ISCA2: variants seen among roughly 807,000 people sequenced by gnomAD.
ISCA2 encodes the protein iron-sulfur cluster assembly 2.
ISCA2 carries 21 observed loss-of-function variants against 19.1 expected under a neutral mutation model. That is an observed-to-expected ratio of 1.10 (90% CI 0.78 to 1.59). ISCA2 has a LOEUF of 1.59. Among genes scored for constraint, ISCA2 ranks in the 40% most tolerant of loss-of-function variants. The pLI, the probability that ISCA2 is intolerant of heterozygous loss-of-function variation, is 0.00. For synonymous variants in ISCA2, 107 were observed against 83.8 expected (o/e 1.28, Z -1.51); for missense variants, 181 against 191.7 (o/e 0.94, Z 0.33).
rs1423779482 is a variant in ISCA2, at chr14:74,494,258, C to G, written c.175-17C>G. The G allele has an allele frequency of 6.2e-7, 1 of 1,608,120 alleles. No individual in the cohort carries two copies. Among genetic ancestry groups the G allele is most frequent in the Non-Finnish European group, 8.5e-7 (1 of 1,174,534 alleles). ...TCCCGTTTCCCGCTATTCTTGATCC[C>G]CCTTCCTGCATTTCAGAGGCTTTTG... On this transcript the variant is annotated splice_polypyrimidine_tract_variant and intron_variant, in intron 2 of 3. Transcript: ENST00000556816.
rs2086837375 is a variant in ISCA2 at position 74,495,395 on chromosome 14, A to G, written c.*395A>G. 1 of 157,382 alleles carries G rather than the reference A, an allele frequency of 6.4e-6. No individual in the cohort carries two copies. Among genetic ancestry groups the G allele is most frequent in the African/African-American group, 2.4e-5 (1 of 41,660 alleles). The allele number at this position is 157,382 out of a possible 1,614,324, so 9.7% of individuals were successfully genotyped here. On this transcript the variant is annotated 3_prime_UTR_variant, in exon 4 of 4. Coordinates refer to ENST00000556816, the MANE Select transcript of ISCA2 (RefSeq NM_194279.4). The stretch of plus-strand genomic sequence containing the variant: ...TCTTATTGTGTTGTGGATCAGGGTC[A>G]CAGATTGGGTAGCTTGGACACCAGT...
Position 74,494,972 on chromosome 14 carries a change from G to C in ISCA2, c.437G>C (p.Cys146Ser). Reference sequence around the variant, plus strand: ...CCTCAAGCACAGCAAGGCTGCTCCTGTGGGTCATCTTTCTCTATCAAACTT... The same window carrying C: ...CCTCAAGCACAGCAAGGCTGCTCCTCTGGGTCATCTTTCTCTATCAAACTT... Reference protein sequence around the residue: ...NNPQAQQGCSCGSSFSIKL With the variant: ...NNPQAQQGCSSGSSFSIKL Residue 146 changes from cysteine (C) to serine (S), a missense_variant, in exon 4 of 4, where the codon TGT becomes TCT. By Grantham distance (112) the Cys-to-Ser change is moderately radical. Coordinates refer to ENST00000556816, the MANE Select transcript of ISCA2 (RefSeq NM_194279.4). 1.9e-6 allele frequency: 3 copies of C among 1,613,064 alleles called. No individual in the cohort carries two copies. The highest frequency in any genetic ancestry group is 2.5e-6 in the Non-Finnish European group (3 of 1,179,954).
In ISCA2 at chr14:74,494,159, G is replaced by T. The variant is rs559667918; in HGVS notation, c.174+7G>T. 5 of 1,586,040 alleles carry T rather than the reference G, an allele frequency of 3.2e-6. No individual in the cohort carries two copies. Among genetic ancestry groups the T allele is most frequent in the Non-Finnish European group, 3.4e-6 (4 of 1,165,676 alleles). Reference sequence around the variant, plus strand: ...CACAGACAGTTGCGTCCAGGTAGGAGGCCGGACGCGGAGCGGCGGTACCCA... The same window carrying T: ...CACAGACAGTTGCGTCCAGGTAGGATGCCGGACGCGGAGCGGCGGTACCCA... On this transcript the variant is annotated splice_region_variant and intron_variant, in intron 2 of 3. Transcript: ENST00000556816.
At chr14:74,494,610 A>C in intron 3 of ISCA2, 1 of 617,980 alleles carries the variant, frequency 1.6e-6, no homozygotes, top group South Asian at 2.0e-5. Context: ...AGTCGGTAGA[A>C]AGTCAGGCCG....
At chr14:74,494,781 T>G in intron 3 of ISCA2, 45 bp from the exon 4 acceptor site, 1 of 1,572,904 alleles carries the variant, frequency 6.4e-7, no homozygotes, top group Non-Finnish European at 8.7e-7. Context: ...GGGTGTCTTT[T>G]TTGTGTTTGC....
rs1566607524 is a variant in ISCA2, at chr14:74,495,080, A to C, written c.*80A>C. The stretch of plus-strand genomic sequence containing the variant: ...GGAATTAGTAGAATTCTAGAAGTTT[A>C]CTTCTAATCATGTCCCTCTCAATTT... On this transcript the variant is annotated 3_prime_UTR_variant, in exon 4 of 4. Transcript: ENST00000556816. 5 of 1,032,942 alleles carry C rather than the reference A, an allele frequency of 4.8e-6. No homozygotes were observed. Among genetic ancestry groups the C allele is most frequent in the Non-Finnish European group, 7.3e-6 (5 of 685,444 alleles). The allele number at this position is 1,032,942 out of a possible 1,614,324, so 64.0% of individuals were successfully genotyped here.
At position 74,493,951 on chromosome 14, in the gene ISCA2, TC is replaced by T; in HGVS notation, c.72-97del. On this transcript the variant is annotated intron_variant, in intron 1 of 3. Transcript: ENST00000556816. The surrounding 1 kb of genome is among the most constrained non-coding windows in gnomAD (Gnocchi z 4.1). ...GATGCGAGGGTTTGGTGGGAGGCCG[TC>T]CAGGTGGGGGTCGCCAGGTTTAGCG... is the stretch of plus-strand genomic sequence containing the variant. The T allele has an allele frequency of 1.4e-6, 2 of 1,466,356 alleles. No individual in the cohort carries two copies. The highest frequency in any genetic ancestry group is 1.9e-6 in the Non-Finnish European group (2 of 1,075,094). 90.8% of individuals were successfully genotyped at this position (1,466,356 alleles called of 1,614,324 possible).
chr14:74,495,145 T>G lies in ISCA2; in HGVS notation c.*145T>G. On this transcript the variant is annotated 3_prime_UTR_variant, in exon 4 of 4. Coordinates refer to ENST00000556816, the MANE Select transcript of ISCA2 (RefSeq NM_194279.4). ...CAGGAGTGTTATGTTTTGCCACTAT[T>G]ATTTTCAGAATGTGAAGATTTTACT... The G allele has an allele frequency of 1.5e-6, 1 of 648,118 alleles. No homozygotes were observed. The highest frequency in any genetic ancestry group is 2.1e-5 in the South Asian group (1 of 47,506). The allele number at this position is 648,118 out of a possible 1,614,324, so 40.1% of individuals were successfully genotyped here.
chr14:74,494,166 C>T lies in ISCA2; in HGVS notation c.174+14C>T, dbSNP rs1372231034. The T allele has an allele frequency of 1.3e-6, 2 of 1,585,536 alleles. No individual in the cohort carries two copies. The highest frequency in any genetic ancestry group is 1.7e-6 in the Non-Finnish European group (2 of 1,164,804). On this transcript the variant is annotated intron_variant, in intron 2 of 3. Transcript: ENST00000556816. ...AGTTGCGTCCAGGTAGGAGGCCGGA[C>T]GCGGAGCGGCGGTACCCAGGCGATT...
intron 3 of ISCA2, 183 bp from the exon 4 acceptor site, chr14:74,494,643 C>T (rs1009917176): frequency 3.8e-5 from 24 of 631,332 alleles, no homozygotes; most frequent in Admixed American, 8.8e-5. Context: ...GGCTTAAGTC[C>T]CTACACGTTT....
rs1026607495 is a variant in ISCA2 at position 74,494,507 on chromosome 14, C to T, written c.290+117C>T. The T allele has an allele frequency of 4.0e-6, 3 of 742,382 alleles. No homozygotes were observed. The African/African-American group carries it at 5.3e-5, about 13-fold the overall frequency. 46.0% of individuals were successfully genotyped at this position (742,382 alleles called of 1,614,324 possible). A position where few individuals can be genotyped will look rare whatever the true frequency, so the allele number is the denominator to read the frequency against. The stretch of plus-strand genomic sequence containing the variant: ...TTTACCTGGGATGGTTAACACCGCC[C>T]GTCTCACAGTGAGGATGCAGTAAAG... On this transcript the variant is annotated intron_variant, in intron 3 of 3. Coordinates refer to ENST00000556816, the MANE Select transcript of ISCA2 (RefSeq NM_194279.4).
chr14:74,494,413 C>T, intron 3 of ISCA2, 23 bp downstream of exon 3: 1 of 1,550,148 alleles, frequency 6.5e-7, no homozygotes, highest in Non-Finnish European at 8.9e-7. Context: ...GGGTGGGCCC[C>T]CAAAGGAGGT....
At chr14:74,494,180 AC>A in intron 2 of ISCA2, 28 bp downstream of exon 2, 1 of 1,587,854 alleles carries the variant, frequency 6.3e-7, no homozygotes, top group Non-Finnish European at 8.6e-7. Context: ...GAGCGGCGGT[AC>A]CCAGGCGATT....
Position 74,493,846 on chromosome 14 carries a change from G to T in ISCA2, c.71+1G>T, listed in dbSNP as rs767529049. 2 of 1,560,052 alleles carry T rather than the reference G, an allele frequency of 1.3e-6. No homozygotes were observed. Among genetic ancestry groups the T allele is most frequent in the East Asian group, 4.7e-5 (2 of 42,972 alleles). On this transcript the variant is annotated splice_donor_variant, in intron 1 of 3. Coordinates refer to ENST00000556816, the MANE Select transcript of ISCA2 (RefSeq NM_194279.4). LOFTEE classifies it high-confidence loss of function. This position sits in a 1 kb window ranked among gnomAD's most constrained non-coding sequence, Gnocchi z 4.1. ...CGGTCACTCCCTGGCCGAGGGGCAG[G>T]TACCAAGACTAGAAAGGCACCTGGA...
At position 74,494,007 on chromosome 14, in the gene ISCA2, T is replaced by C. The variant is rs1339828250; in HGVS notation, c.72-43T>C. On this transcript the variant is annotated intron_variant, in intron 1 of 3. Transcript: ENST00000556816. ...GCGCTCCAGGTCGAGGGTTGCAAGG[T>C]GCCCCTTCTGCTCCCGGGCTCACCC... The C allele has an allele frequency of 5.3e-6, 8 of 1,507,422 alleles. No homozygotes were observed. In the African/African-American group the frequency reaches 9.7e-5, roughly 18 times the overall value. The allele number at this position is 1,507,422 out of a possible 1,614,324, so 93.4% of individuals were successfully genotyped here.
Position 74,495,009 on chromosome 14 carries a change from C to T in ISCA2, c.*9C>T, listed in dbSNP as rs1337784780. On this transcript the variant is annotated 3_prime_UTR_variant, in exon 4 of 4. Transcript: ENST00000556816. ...TCTCTATCAAACTTTGATGTGATGA[C>T]TGGTGACTCTGGGATTGTCACCAGT... 1 of 1,604,248 alleles carries T rather than the reference C, an allele frequency of 6.2e-7. No individual in the cohort carries two copies. Among genetic ancestry groups the T allele is most frequent in the African/African-American group, 1.3e-5 (1 of 74,808 alleles).
Position 74,493,994 on chromosome 14 carries a change from G to T in ISCA2, c.72-56G>T. 1 of 1,497,836 alleles carries T rather than the reference G, an allele frequency of 6.7e-7. No homozygotes were observed. Among genetic ancestry groups the T allele is most frequent in the Non-Finnish European group, 9.0e-7 (1 of 1,107,972 alleles). The allele number at this position is 1,497,836 out of a possible 1,614,324, so 92.8% of individuals were successfully genotyped here. A position where few individuals can be genotyped will look rare whatever the true frequency, so the allele number is the denominator to read the frequency against. ...GGTTTAGCGTGAGGCGCTCCAGGTC[G>T]AGGGTTGCAAGGTGCCCCTTCTGCT... On this transcript the variant is annotated intron_variant, in intron 1 of 3. Transcript: ENST00000556816. The surrounding 1 kb of genome is among the most constrained non-coding windows in gnomAD (Gnocchi z 4.1).
chr14:74,494,053 C>T lies in ISCA2; in HGVS notation c.75C>T (p.Leu25=), dbSNP rs1414502322. Residue 25 remains leucine (L), a synonymous_variant, in exon 2 of 4, where the codon CTC becomes CTT. Coordinates refer to ENST00000556816, the MANE Select transcript of ISCA2 (RefSeq NM_194279.4). ...CACCCTCCTCCCTTGCGCGCAGGCT[C>T]CTCACGGCCTCCCTGGGACCCCAGG... is the stretch of plus-strand genomic sequence containing the variant. ...RAVTPWPRGR[L]LTASLGPQAR... The T allele has an allele frequency of 6.5e-6, 10 of 1,540,102 alleles. No individual in the cohort carries two copies. The African/African-American group carries it at 6.8e-5, about 11-fold the overall frequency.
chr14:74,494,107 C>T lies in ISCA2; in HGVS notation c.129C>T (p.Pro43=), dbSNP rs373588450. The T allele has an allele frequency of 8.9e-6, 14 of 1,575,094 alleles. No homozygotes were observed. The highest frequency in any genetic ancestry group is 2.7e-5 in the African/African-American group (2 of 74,180). The change falls in exon 2 of 4, where the codon CCC becomes CCT. Residue 43 remains proline, a synonymous_variant. Transcript: ENST00000556816. Reference sequence around the variant, plus strand: ...GTCGGGAGGCGTCGTCCTCCAGCCCCGAGGCCGGCGAAGGGCAGATCCGCC... The same window carrying T: ...GTCGGGAGGCGTCGTCCTCCAGCCCTGAGGCCGGCGAAGGGCAGATCCGCC... The part of the protein sequence containing the change: ...QARREASSSS[P]EAGEGQIRLT...
Sources: allele counts gnomAD v4.1 joint callset, GRCh38; gene constraint gnomAD v4.1.1; non-coding constraint Gnocchi (gnomAD v3.1); transcripts MANE v1.5; gene names NCBI Gene and HGNC (gene_info 2026-07-23, HGNC 2026-07-21).